The following AJM1 variants were observed in gnomAD, a reference collection of about 807,000 sequenced individuals.
AJM1 encodes apical junction component 1 homolog.
A neutral mutation model predicts 43.0 loss-of-function variants in AJM1; 22 were observed. The observed-to-expected ratio is 0.51, with a 90% CI of 0.37 to 0.73. AJM1 has a LOEUF of 0.73. AJM1 is among the 30% of genes least tolerant of loss of function. The pLI, the probability that AJM1 is intolerant of heterozygous loss-of-function variation, is 0.00. For synonymous variants in AJM1, 719 were observed against 638.3 expected (o/e 1.13, Z -1.91); for missense variants, 1,305 against 1,343.3 (o/e 0.97, Z 0.45).
In AJM1 at chr9:136,845,557, G is replaced by A. The variant is rs941778698; in HGVS notation, c.1143G>A (p.Arg381=). Residue 381 remains arginine (R), a synonymous_variant, in exon 3 of 3, where the codon AGG becomes AGA. Transcript: ENST00000436881. ...ARPFYTEDFG[R]YRERDVLART... Reference sequence around the variant, plus strand: ...CCTTTTACACGGAGGACTTCGGAAGGTACCGCGAGCGTGACGTCCTGGCTC... The same window carrying A: ...CCTTTTACACGGAGGACTTCGGAAGATACCGCGAGCGTGACGTCCTGGCTC... 12 of 1,593,152 alleles carry A rather than the reference G, an allele frequency of 7.5e-6. No homozygotes were observed. The South Asian group carries it at 1.0e-4, about 13-fold the overall frequency.
chr9:136,845,944 G>T lies in AJM1; in HGVS notation c.1530G>T (p.Glu510Asp). Reference protein sequence around the residue: ...PRRYAALSLSETSLTEKGRAG... With the variant: ...PRRYAALSLSDTSLTEKGRAG... The stretch of plus-strand genomic sequence containing the variant: ...GCTACGCCGCACTGTCCCTGTCCGA[G>T]ACGTCGCTGACGGAGAAGGGCCGCG... Residue 510 changes from glutamate (E) to aspartate (D), a missense_variant, in exon 3 of 3, where the codon GAG (glutamate) becomes GAT (aspartate). Physicochemically the swap from Glu to Asp is conservative, Grantham distance 45 (BLOSUM62 2). Transcript: ENST00000436881. The T allele has an allele frequency of 1.9e-6, 3 of 1,553,632 alleles. No homozygotes were observed. Among genetic ancestry groups the T allele is most frequent in the Non-Finnish European group, 2.6e-6 (3 of 1,149,842 alleles).
chr9:136,844,389 C>G lies in AJM1; in HGVS notation c.-26C>G. ...CCCCGCAAGGCAGTGTGAGCTGGAG[C>G]CGCCAGCCTGGGGACCTCTTTTAAG... On this transcript the variant is annotated 5_prime_UTR_variant, in exon 3 of 3. Coordinates refer to ENST00000436881, the MANE Select transcript of AJM1 (RefSeq NM_001080482.5). 6.3e-7 allele frequency: 1 copy of G among 1,588,148 alleles called. No individual in the cohort carries two copies. The highest frequency in any genetic ancestry group is 1.1e-5 in the South Asian group (1 of 89,632).
At chr9:136,843,248 G>C (rs534868294) in intron 1 of AJM1, among the ~76,000 whole-genome samples, 1 of 152,252 alleles carries the variant, frequency 6.6e-6, no homozygotes, top group East Asian at 1.9e-4. Context: ...GTGTGCAGAG[G>C]CCAGGCCTGT....
At chr9:136,843,218 C>T (rs1848726934) in intron 1 of AJM1, among the ~76,000 whole-genome samples, 1 of 152,234 alleles carries the variant, frequency 6.6e-6, no homozygotes, top group South Asian at 2.1e-4. Context: ...CTGGGGTAGA[C>T]CCCCCAGACC....
Position 136,846,071 on chromosome 9 carries a change from T to A in AJM1, c.1657T>A (p.Leu553Met). 2.0e-6 allele frequency: 3 copies of A among 1,533,572 alleles called. No individual in the cohort carries two copies. The highest frequency in any genetic ancestry group is 2.6e-6 in the Non-Finnish European group (3 of 1,143,212). The allele number at this position is 1,533,572 out of a possible 1,614,324, so 95.0% of individuals were successfully genotyped here. A position where few individuals can be genotyped will look rare whatever the true frequency, so the allele number is the denominator to read the frequency against. Residue 553 changes from leucine (L) to methionine (M), a missense_variant, in exon 3 of 3, where the codon TTG becomes ATG. Coordinates refer to ENST00000436881, the MANE Select transcript of AJM1 (RefSeq NM_001080482.5). ...GCGCCCGAGCGCCAGGGCCTGGGAG[T>A]TGCCCGGGGGCCGCACGCGGCCACC... is the stretch of plus-strand genomic sequence containing the variant. Reference protein sequence around the residue: ...TERPSARAWELPGGRTRPPPH... With the variant: ...TERPSARAWEMPGGRTRPPPH...
In AJM1 at chr9:136,848,675, C is replaced by G. The variant is rs1848814730; in HGVS notation, c.*1330C>G. 1 of 152,982 alleles carries G rather than the reference C, an allele frequency of 6.5e-6. No homozygotes were observed. Among genetic ancestry groups the G allele is most frequent in the Non-Finnish European group, 1.5e-5 (1 of 68,188 alleles). The allele number at this position is 152,982 out of a possible 1,614,324, so 9.5% of individuals were successfully genotyped here. On this transcript the variant is annotated 3_prime_UTR_variant, in exon 3 of 3. Coordinates refer to ENST00000436881, the MANE Select transcript of AJM1 (RefSeq NM_001080482.5). The stretch of plus-strand genomic sequence containing the variant: ...CGCTTGCCCACCCGCCGCCGCGCCC[C>G]GCGCCCCCTACCCCAGGGCCTCTGC...
chr9:136,845,302 C>T lies in AJM1; in HGVS notation c.888C>T (p.Ala296=), dbSNP rs1336456497. 1.9e-6 allele frequency: 3 copies of T among 1,611,562 alleles called. No individual in the cohort carries two copies. The highest frequency in any genetic ancestry group is 3.3e-5 in the Admixed American group (2 of 60,020). ...AAGGCTTCCGGGGCAGCTTTGCAGCCAGTCCCGGCCCAACCTTCGACGCCT... is the reference window on the plus strand; with the variant it reads ...AAGGCTTCCGGGGCAGCTTTGCAGCTAGTCCCGGCCCAACCTTCGACGCCT... ...EPQGFRGSFA[A]SPGPTFDAYY... The change falls in exon 3 of 3, where the codon GCC becomes GCT. Residue 296 remains alanine, a synonymous_variant. Transcript: ENST00000436881.
At position 136,844,831 on chromosome 9, in the gene AJM1, C is replaced by A; in HGVS notation, c.417C>A (p.Leu139=). The A allele has an allele frequency of 8.5e-6, 2 of 235,632 alleles. No homozygotes were observed. The highest frequency in any genetic ancestry group is 2.4e-5 in the African/African-American group (1 of 42,402). 14.6% of individuals were successfully genotyped at this position (235,632 alleles called of 1,614,324 possible). A position where few individuals can be genotyped will look rare whatever the true frequency, so the allele number is the denominator to read the frequency against. The stretch of plus-strand genomic sequence containing the variant: ...GCCGGGAGCCCGCGTACCCGGCGCT[C>A]CGCGCCCTTGCCAACGAGCTGCATC... The part of the protein sequence containing the change: ...SPRREPAYPA[L]RALANELHPI... The change falls in exon 3 of 3, where the codon CTC becomes CTA. Residue 139 remains leucine (L), a synonymous_variant. Coordinates refer to ENST00000436881, the MANE Select transcript of AJM1 (RefSeq NM_001080482.5).
In AJM1 at chr9:136,845,728, G is replaced by GGC; in HGVS notation, c.1315_1316dup (p.Thr440ProfsTer56). On this transcript the variant is annotated frameshift_variant, in exon 3 of 3. Coordinates refer to ENST00000436881, the MANE Select transcript of AJM1 (RefSeq NM_001080482.5). LOFTEE classifies it high-confidence loss of function. ...GCACCGGCACCAGTCCGCCCCGGCTGGCCACCGACAGCCGCCACTACTCGC... is the reference window on the plus strand; with the variant it reads ...GCACCGGCACCAGTCCGCCCCGGCTGGCGCCACCGACAGCCGCCACTACTCGC... 6.4e-7 allele frequency: 1 copy of GGC among 1,560,744 alleles called. No individual in the cohort carries two copies. The highest frequency in any genetic ancestry group is 8.6e-7 in the Non-Finnish European group (1 of 1,162,212).
rs1397968059 is a variant in AJM1 at position 136,847,383 on chromosome 9, C to G, written c.*38C>G. On this transcript the variant is annotated 3_prime_UTR_variant, in exon 3 of 3. Coordinates refer to ENST00000436881, the MANE Select transcript of AJM1 (RefSeq NM_001080482.5). ...ACCAGGCCTAGCCCAGGCGCTGGCCCGAACCCTGCCCTGCCCACTCAGGCC... is the reference window on the plus strand; with the variant it reads ...ACCAGGCCTAGCCCAGGCGCTGGCCGGAACCCTGCCCTGCCCACTCAGGCC... 7.7e-6 allele frequency: 11 copies of G among 1,431,520 alleles called. No individual in the cohort carries two copies. The highest frequency in any genetic ancestry group is 2.4e-5 in the Admixed American group (1 of 42,024). The allele number at this position is 1,431,520 out of a possible 1,614,324, so 88.7% of individuals were successfully genotyped here. A position where few individuals can be genotyped will look rare whatever the true frequency, so the allele number is the denominator to read the frequency against.
Position 136,844,480 on chromosome 9 carries a change from C to G in AJM1, c.66C>G (p.Thr22=), listed in dbSNP as rs769058348. Residue 22 remains threonine (T), a synonymous_variant, in exon 3 of 3, where the codon ACC becomes ACG. Transcript: ENST00000436881. ...STVYQDIKVA[T]PGPASKCSPC... The stretch of plus-strand genomic sequence containing the variant: ...TGTACCAGGACATCAAGGTGGCGAC[C>G]CCGGGACCCGCGTCCAAGTGCTCGC... The G allele has an allele frequency of 8.7e-6, 14 of 1,611,214 alleles. No individual in the cohort carries two copies. The East Asian group carries it at 3.1e-4, about 36-fold the overall frequency.
Position 136,846,342 on chromosome 9 carries a change from C to T in AJM1, c.1928C>T (p.Ala643Val). The change falls in exon 3 of 3, where the codon GCG becomes GTG. Residue 643 changes from alanine (A) to valine (V), a missense_variant. This residue lies in a region of AJM1 where 391 missense variants were observed against 507.5 expected (regional missense o/e 0.77). Transcript: ENST00000436881. ...PASAGSAEEP[A>V]APGEAADASP... ...TCGGCCGGCAGCGCCGAGGAGCCCG[C>T]GGCCCCGGGAGAGGCGGCCGACGCG... is the stretch of plus-strand genomic sequence containing the variant. The T allele has an allele frequency of 3.8e-6, 5 of 1,332,888 alleles. No homozygotes were observed. Among genetic ancestry groups the T allele is most frequent in the Non-Finnish European group, 4.8e-6 (5 of 1,038,240 alleles). The allele number at this position is 1,332,888 out of a possible 1,614,324, so 82.6% of individuals were successfully genotyped here.
Position 136,845,799 on chromosome 9 carries a change from C to G in AJM1, c.1385C>G (p.Pro462Arg). Residue 462 changes from proline to arginine, a missense_variant, in exon 3 of 3, where the codon CCG (proline) becomes CGG (arginine). Physicochemically the swap from Pro to Arg is moderately radical, Grantham distance 103. Transcript: ENST00000436881. ...ILAPGPRRED[P>R]LGRGRSYENL... ...GCCCCGGGGCCGCGCCGAGAAGACC[C>G]GTTGGGCCGCGGCCGCAGCTACGAG... The G allele has an allele frequency of 1.3e-6, 2 of 1,569,800 alleles. No homozygotes were observed. Among genetic ancestry groups the G allele is most frequent in the Non-Finnish European group, 1.7e-6 (2 of 1,163,892 alleles).
At position 136,847,390 on chromosome 9, in the gene AJM1, T is replaced by C; in HGVS notation, c.*45T>C. ...CTAGCCCAGGCGCTGGCCCGAACCCTGCCCTGCCCACTCAGGCCCCGCCCG... is the reference window on the plus strand; with the variant it reads ...CTAGCCCAGGCGCTGGCCCGAACCCCGCCCTGCCCACTCAGGCCCCGCCCG... On this transcript the variant is annotated 3_prime_UTR_variant, in exon 3 of 3. Coordinates refer to ENST00000436881, the MANE Select transcript of AJM1 (RefSeq NM_001080482.5). 4.3e-6 allele frequency: 6 copies of C among 1,384,940 alleles called. No homozygotes were observed. The highest frequency in any genetic ancestry group is 5.6e-6 in the Non-Finnish European group (6 of 1,063,110). 85.8% of individuals were successfully genotyped at this position (1,384,940 alleles called of 1,614,324 possible). A position where few individuals can be genotyped will look rare whatever the true frequency, so the allele number is the denominator to read the frequency against.
Position 136,844,944 on chromosome 9 carries a change from C to A in AJM1, c.530C>A (p.Pro177His). Residue 177 changes from proline to histidine, a missense_variant, in exon 3 of 3, where the codon CCC (proline) becomes CAC (histidine). By Grantham distance (77) the Pro-to-His change is moderately conservative. This residue lies in a region of AJM1 where 653 missense variants were observed against 549.1 expected (regional missense o/e 1.19). Coordinates refer to ENST00000436881, the MANE Select transcript of AJM1 (RefSeq NM_001080482.5). The part of the protein sequence containing the change: ...AAGRCAPPEP[P>H]AGPAPHVRCR... ...GGCCGCTGCGCACCGCCCGAGCCAC[C>A]CGCGGGTCCCGCCCCCCACGTGCGC... 1 of 449,942 alleles carries A rather than the reference C, an allele frequency of 2.2e-6. No individual in the cohort carries two copies. The highest frequency in any genetic ancestry group is 3.9e-6 in the Non-Finnish European group (1 of 259,376). The allele number at this position is 449,942 out of a possible 1,614,324, so 27.9% of individuals were successfully genotyped here.
chr9:136,844,788 G>A lies in AJM1; in HGVS notation c.374G>A (p.Arg125Gln), dbSNP rs1848744560. The A allele has an allele frequency of 7.6e-6, 2 of 264,240 alleles. No individual in the cohort carries two copies. Among genetic ancestry groups the A allele is most frequent in the South Asian group, 1.1e-4 (1 of 8,816 alleles). 16.4% of individuals were successfully genotyped at this position (264,240 alleles called of 1,614,324 possible). A position where few individuals can be genotyped will look rare whatever the true frequency, so the allele number is the denominator to read the frequency against. The change falls in exon 3 of 3, where the codon CGG becomes CAG. Residue 125 changes from arginine to glutamine, a missense_variant. Around this residue, in one of 6 missense-constraint regions of AJM1, gnomAD observed 653 missense variants for 549.1 expected, o/e 1.19. Coordinates refer to ENST00000436881, the MANE Select transcript of AJM1 (RefSeq NM_001080482.5). ...RRGREAQRAA[R>Q]AEASPRREPA... The stretch of plus-strand genomic sequence containing the variant: ...GGGCGGGAGGCCCAGCGTGCGGCGC[G>A]GGCCGAGGCATCGCCGCGCCGGGAG...
Position 136,844,701 on chromosome 9 carries a change from C to T in AJM1, c.287C>T (p.Ala96Val), listed in dbSNP as rs1337852010. Reference sequence around the variant, plus strand: ...CGCCGCCGCGCCCGCTCCAAGAGTGCGCCCCGCGCGCCCCCGGGCCTGACG... The same window carrying T: ...CGCCGCCGCGCCCGCTCCAAGAGTGTGCCCCGCGCGCCCCCGGGCCTGACG... Reference protein sequence around the residue: ...EPRRRARSKSAPRAPPGLTPA... With the variant: ...EPRRRARSKSVPRAPPGLTPA... Residue 96 changes from alanine (A) to valine (V), a missense_variant, in exon 3 of 3, where the codon GCG (alanine) becomes GTG (valine). Ala to Val is a moderately conservative substitution (Grantham distance 64). This residue lies in a region of AJM1 where 12 missense variants were observed against 31.9 expected (regional missense o/e 0.38). Transcript: ENST00000436881. 11 of 1,118,330 alleles carry T rather than the reference C, an allele frequency of 9.8e-6. No homozygotes were observed. In the East Asian group the frequency reaches 2.9e-4, roughly 30 times the overall value. The allele number at this position is 1,118,330 out of a possible 1,614,324, so 69.3% of individuals were successfully genotyped here. A position where few individuals can be genotyped will look rare whatever the true frequency, so the allele number is the denominator to read the frequency against.
In AJM1 at chr9:136,845,404, G is replaced by T; in HGVS notation, c.990G>T (p.Glu330Asp). 1.2e-6 allele frequency: 2 copies of T among 1,612,474 alleles called. No homozygotes were observed. Among genetic ancestry groups the T allele is most frequent in the Non-Finnish European group, 1.7e-6 (2 of 1,179,814 alleles). Residue 330 changes from glutamate (E) to aspartate (D), a missense_variant, in exon 3 of 3, where the codon GAG becomes GAT. This residue lies in a region of AJM1 where 653 missense variants were observed against 549.1 expected (regional missense o/e 1.19). Transcript: ENST00000436881. ...GCATGGGCGGCTACTACGCAGGAGA[G>T]GTGCGCACCTTCCCAATCCAGGAAC... ...PRRMGGYYAG[E>D]VRTFPIQEPP...
intron 1 of AJM1, among the ~76,000 whole-genome samples, 194 bp downstream of exon 1, chr9:136,842,783 T>C (rs1848720342): frequency 6.6e-6 from 1 of 152,062 alleles, no homozygotes; most frequent in Admixed American, 6.5e-5. Context: ...GCCATCTCCG[T>C]GGGCTCCAGA....
Sources: gnomAD v4.1 joint callset for allele counts (sites outside exome capture counted in the v4.1 genomes callset) on GRCh38, gnomAD v4.1.1 for gene constraint, gnomAD v4.1.1 regional missense constraint, MANE v1.5 for transcripts, NCBI Gene and HGNC (gene_info 2026-07-23, HGNC 2026-07-21) for gene names.